CDK14: variants seen among roughly 807,000 people sequenced by gnomAD.
The protein encoded by CDK14 is cyclin dependent kinase 14.
A neutral mutation model predicts 60.7 loss-of-function variants in CDK14; 34 were observed. The observed-to-expected ratio is 0.56, with a 90% CI of 0.43 to 0.75. The LOEUF is 0.75. Ranked by LOEUF, CDK14 falls within the 30% of genes least tolerant of loss-of-function variation. The probability of loss-of-function intolerance (pLI) is 0.00; values close to 1 mark genes in which losing one functional copy is unlikely to be tolerated. For missense variants in CDK14, 482 were observed against 564.1 expected (o/e 0.85, Z 1.47); for synonymous variants, 197 against 203.7 (o/e 0.97, Z 0.28).
rs73397806 is a variant in CDK14 at position 90,775,711 on chromosome 7, T to C, written c.465-14862T>C. 9.9e-3 allele frequency among the ~76,000 whole-genome samples: 1,193 copies of C among 120,644 alleles called. 30 individuals are homozygous for C. The highest frequency in any genetic ancestry group is 0.034 in the African/African-American group (1,059 of 30,872). The allele number at this position is 120,644 out of a possible 152,430, so 79.1% of individuals were successfully genotyped here. On this transcript the variant is annotated intron_variant, in intron 4 of 14. Coordinates refer to ENST00000380050, the MANE Select transcript of CDK14 (RefSeq NM_001287135.2). ...CTTCTCCTCCTCCTCTCCTTTTCCT[T>C]CTCCTCCTCCTCTCCTCTCCTCCTC...
At chr7:90,625,970 T>C (rs890630074) in intron 2 of CDK14, among the ~76,000 whole-genome samples, 7 of 152,258 alleles carry the variant, frequency 4.6e-5, no homozygotes, top group African/African-American at 1.7e-4. Flanking sequence ...TTTAATTCCA[T>C]GGGAGCTTTT....
chr7:90,650,112 C>T (rs896228394), intron 2 of CDK14, among the ~76,000 whole-genome samples: 1 of 152,190 alleles, frequency 6.6e-6, no homozygotes, highest in Non-Finnish European at 1.5e-5. Context: ...ACAGCCTCTC[C>T]AGCATCTGTT....
intron 5 of CDK14, among the ~76,000 whole-genome samples, chr7:90,853,684 C>G (rs1302067104): frequency 6.6e-6 from 1 of 152,104 alleles, no homozygotes; most frequent in Non-Finnish European, 1.5e-5. Context: ...AGTTTTTTGT[C>G]TGTGTTACCT....
chr7:90,698,578 G>A (rs1183189858), intron 2 of CDK14, among the ~76,000 whole-genome samples: 3 of 152,122 alleles, frequency 2.0e-5, no homozygotes, highest in Non-Finnish European at 4.4e-5. Context: ...TGATCAGATA[G>A]GACATTTTGT....
At chr7:90,822,182 G>A (rs1212083326) in intron 5 of CDK14, among the ~76,000 whole-genome samples, 1 of 152,176 alleles carries the variant, frequency 6.6e-6, no homozygotes, top group Non-Finnish European at 1.5e-5. Context: ...CAGAATGCTA[G>A]GCTCATAGTA....
At chr7:91,199,129 A>G (rs1218829655) in intron 14 of CDK14, among the ~76,000 whole-genome samples, 2 of 152,160 alleles carry the variant, frequency 1.3e-5, no homozygotes. Context: ...AGTCACTTGT[A>G]AAGGTATGCT....
intron 3 of CDK14, among the ~76,000 whole-genome samples, chr7:90,727,636 T>G (rs946475257): frequency 6.6e-6 from 1 of 152,162 alleles, no homozygotes; most frequent in African/African-American, 2.4e-5. Context: ...TTCTTAGTTG[T>G]CATTGTCTAC....
chr7:90,687,292 C>T (rs774099562), intron 2 of CDK14, among the ~76,000 whole-genome samples: 21 of 152,010 alleles, frequency 1.4e-4, no homozygotes, highest in Non-Finnish European at 2.2e-4. Context: ...CAACATGAGT[C>T]TATTATATTT....
intron 14 of CDK14, among the ~76,000 whole-genome samples, chr7:91,192,490 C>T (rs193275825): frequency 1.3e-5 from 2 of 152,256 alleles, no homozygotes; most frequent in East Asian, 3.9e-4. Flanking sequence ...AAATTATCTT[C>T]AACTACTCAG....
chr7:90,719,123 A>G (rs1802354563), intron 2 of CDK14, among the ~76,000 whole-genome samples: 1 of 152,142 alleles, frequency 6.6e-6, no homozygotes, highest in African/African-American at 2.4e-5. Context: ...AAAACAAATG[A>G]AAGAGGTTGT....
chr7:90,596,609 G>T lies in CDK14; in HGVS notation c.-19G>T. The T allele has an allele frequency of 6.2e-7, 1 of 1,608,990 alleles. No homozygotes were observed. The highest frequency in any genetic ancestry group is 8.5e-7 in the Non-Finnish European group (1 of 1,177,134). On this transcript the variant is annotated 5_prime_UTR_variant, in exon 1 of 15. Transcript: ENST00000380050. Reference sequence around the variant, plus strand: ...CCTGGACCAGTTTGGGGAAGTTGTCGGGGCTCCGCGTCGCCCAGATGTGTG... The same window carrying T: ...CCTGGACCAGTTTGGGGAAGTTGTCTGGGCTCCGCGTCGCCCAGATGTGTG...
chr7:90,831,805 C>A (rs1332282251), intron 5 of CDK14, among the ~76,000 whole-genome samples: 1 of 152,018 alleles, frequency 6.6e-6, no homozygotes, highest in Non-Finnish European at 1.5e-5. Flanking sequence ...GACTAATAGC[C>A]AAATTCTTTA....
Position 91,045,928 on chromosome 7 carries a change from C to T in CDK14, c.1073C>T (p.Pro358Leu), listed in dbSNP as rs1260553592. 1 of 1,611,556 alleles carries T rather than the reference C, an allele frequency of 6.2e-7. No homozygotes were observed. The highest frequency in any genetic ancestry group is 1.1e-5 in the South Asian group (1 of 91,018). The change falls in exon 11 of 15, where the codon CCT becomes CTT. Residue 358 changes from proline to leucine, a missense_variant. Coordinates refer to ENST00000380050, the MANE Select transcript of CDK14 (RefSeq NM_001287135.2). ...VLGTPNEDTW[P>L]GVHSLPHFKP... ...GGAACACCAAATGAGGACACATGGCCTGGAGTTCATTCTTTACCACATTTT... is the reference window on the plus strand; with the variant it reads ...GGAACACCAAATGAGGACACATGGCTTGGAGTTCATTCTTTACCACATTTT...
chr7:90,727,904 C>T (rs987668256), intron 3 of CDK14, among the ~76,000 whole-genome samples: 3 of 152,038 alleles, frequency 2.0e-5, no homozygotes, highest in African/African-American at 4.8e-5. Context: ...GGTTACATGT[C>T]TTTCTTGTTC....
intron 8 of CDK14, among the ~76,000 whole-genome samples, chr7:90,918,339 G>T (rs1438456136): frequency 6.6e-6 from 1 of 152,178 alleles, no homozygotes; most frequent in Non-Finnish European, 1.5e-5. Context: ...CTATTTAAAA[G>T]TTGAGGTTCT....
intron 5 of CDK14, among the ~76,000 whole-genome samples, chr7:90,791,584 T>C (rs17163208): frequency 0.15 from 23,586 of 152,270 alleles, 1,934 homozygotes; most frequent in Middle Eastern, 0.25. Flanking sequence ...TGTACAACTA[T>C]TGATATGATT....
chr7:90,871,207 A>C (rs758272723), intron 6 of CDK14, among the ~76,000 whole-genome samples: 1 of 152,226 alleles, frequency 6.6e-6, no homozygotes, highest in Non-Finnish European at 1.5e-5. Flanking sequence ...ATCAAGGATC[A>C]GAAAAGAATA....
At chr7:91,070,162 G>A (rs900790451) in intron 11 of CDK14, among the ~76,000 whole-genome samples, 1 of 152,124 alleles carries the variant, frequency 6.6e-6, no homozygotes, top group African/African-American at 2.4e-5. Context: ...AACCTAAAGT[G>A]TTCTCACACT....
chr7:91,196,288 G>GTGTTTAACAACTGGCAAAAT (rs528680161), intron 14 of CDK14, among the ~76,000 whole-genome samples: 5,796 of 152,216 alleles, frequency 0.038, 230 homozygotes, highest in Admixed American at 0.12. Flanking sequence ...AAGAGTGGCT[G>GTGTTTAACAACTGGCAAAAT]TGTTTAACAA....
Sources: allele counts gnomAD v4.1 joint callset (sites outside exome capture counted in the v4.1 genomes callset), GRCh38; gene constraint gnomAD v4.1.1; transcripts MANE v1.5; gene names NCBI Gene and HGNC (gene_info 2026-07-23, HGNC 2026-07-21).